Variants in FBXL17 observed in about 807,000 individuals in gnomAD.
The protein encoded by FBXL17 is F-box and leucine rich repeat protein 17.
A neutral mutation model predicts 66.2 loss-of-function variants in FBXL17; 22 were observed. The observed-to-expected ratio is 0.33, with a 90% CI of 0.24 to 0.47. FBXL17 has a LOEUF of 0.47. FBXL17 is among the 20% of genes least tolerant of loss of function. The probability of loss-of-function intolerance (pLI) is 1.00; values close to 1 mark genes in which losing one functional copy is unlikely to be tolerated. For missense variants in FBXL17, 878 were observed against 948.2 expected, an observed-to-expected ratio of 0.93 and a Z score of 0.97; for synonymous variants, 474 against 400.5, an observed-to-expected ratio of 1.18 and a Z score of -2.19.
intron 6 of FBXL17, among the ~76,000 whole-genome samples, chr5:108,030,587 A>C (rs977324785): frequency 6.6e-6 from 1 of 152,166 alleles, no homozygotes; most frequent in African/African-American, 2.4e-5. Context: ...TAATTAATAC[A>C]GTTACTGTTC....
rs552880699 is a variant in FBXL17, at chr5:108,124,370, AT to A, written c.1745+61746del. 3.1e-3 allele frequency among the ~76,000 whole-genome samples: 476 copies of A among 152,098 alleles called. 2 individuals are homozygous for A. Among genetic ancestry groups the A allele is most frequent in the African/African-American group, 0.011 (459 of 41,520 alleles). ...ATTTCTAGGTCTTTGACCTTGGCAT[AT>A]TTTTTAACACTTCTGGGCCTCAGTT... On this transcript the variant is annotated intron_variant, in intron 6 of 8. Coordinates refer to ENST00000542267, the MANE Select transcript of FBXL17 (RefSeq NM_001163315.3).
chr5:108,343,761 C>A (rs766271939), intron 4 of FBXL17, among the ~76,000 whole-genome samples: 1 of 151,394 alleles, frequency 6.6e-6, no homozygotes, highest in Non-Finnish European at 1.5e-5. Context: ...CAAATCACAG[C>A]AAAGAGAAAA....
chr5:108,326,791 T>C (rs988366547), intron 4 of FBXL17, among the ~76,000 whole-genome samples: 1 of 152,086 alleles, frequency 6.6e-6, no homozygotes, highest in African/African-American at 2.4e-5. Context: ...TCAGAATGGC[T>C]AAAATTTAAA....
intron 4 of FBXL17, among the ~76,000 whole-genome samples, chr5:108,309,273 A>G (rs1759001069): frequency 6.6e-6 from 1 of 152,066 alleles, no homozygotes; most frequent in South Asian, 2.1e-4. Context: ...ATTAAAATAC[A>G]TACATTTATA....
chr5:108,280,758 T>C (rs752511931), intron 4 of FBXL17, among the ~76,000 whole-genome samples: 1 of 149,864 alleles, frequency 6.7e-6, no homozygotes, highest in African/African-American at 2.5e-5. Flanking sequence ...TCCAACTATA[T>C]GCTGATCACA....
chr5:108,255,752 C>T (rs1756549535), intron 4 of FBXL17, among the ~76,000 whole-genome samples: 2 of 151,986 alleles, frequency 1.3e-5, no homozygotes, highest in East Asian at 3.9e-4. Flanking sequence ...TCACCTCTGC[C>T]CCATCACAGG....
At chr5:108,321,768 C>T (rs1453024782) in intron 4 of FBXL17, among the ~76,000 whole-genome samples, 1 of 150,060 alleles carries the variant, frequency 6.7e-6, no homozygotes, top group Non-Finnish European at 1.5e-5. Context: ...TAGGCAAAGC[C>T]TAAAACTAAA....
chr5:108,103,402 T>C (rs982357323), intron 6 of FBXL17, among the ~76,000 whole-genome samples: 4 of 152,214 alleles, frequency 2.6e-5, no homozygotes, highest in Non-Finnish European at 4.4e-5. Flanking sequence ...AGTCAGACCA[T>C]TGCCTCTTTC....
At chr5:107,923,580 G>T (rs1437612390) in intron 7 of FBXL17, among the ~76,000 whole-genome samples, 5 of 152,068 alleles carry the variant, frequency 3.3e-5, no homozygotes, top group Admixed American at 6.6e-5. Context: ...AAAACCCATG[G>T]TCAATGGCTC....
chr5:108,216,709 C>T (rs1754613420), intron 5 of FBXL17, among the ~76,000 whole-genome samples: 1 of 152,064 alleles, frequency 6.6e-6, no homozygotes, highest in East Asian at 1.9e-4. Context: ...CAGAGAGGCC[C>T]CCGCCTGTGG....
At chr5:108,226,092 T>G (rs1755087541) in intron 4 of FBXL17, among the ~76,000 whole-genome samples, 1 of 152,156 alleles carries the variant, frequency 6.6e-6, no homozygotes, top group African/African-American at 2.4e-5. Context: ...ACTTTGATTT[T>G]CTTCATAACA....
At chr5:108,111,830 C>A (rs1234651826) in intron 6 of FBXL17, among the ~76,000 whole-genome samples, 1 of 152,150 alleles carries the variant, frequency 6.6e-6, no homozygotes, top group Non-Finnish European at 1.5e-5. Context: ...TTAGTCACTG[C>A]CCTTGAGCTT....
In FBXL17 at chr5:108,134,858, CT is replaced by C. The variant is rs1580491662; in HGVS notation, c.1745+51258del. 2.6e-5 allele frequency among the ~76,000 whole-genome samples: 4 copies of C among 152,176 alleles called. No homozygotes were observed. The East Asian group carries it at 7.7e-4, about 29-fold the overall frequency. On this transcript the variant is annotated intron_variant, in intron 6 of 8. Coordinates refer to ENST00000542267, the MANE Select transcript of FBXL17 (RefSeq NM_001163315.3). ...TTTGTCCCCCACTTACAAATTAAGT[CT>C]TTCCTGCATTTGCTTTTCTTTCTCT... is the stretch of plus-strand genomic sequence containing the variant.
At chr5:107,874,158 T>C (rs994661465) in intron 8 of FBXL17, among the ~76,000 whole-genome samples, 1 of 152,248 alleles carries the variant, frequency 6.6e-6, no homozygotes, top group Admixed American at 6.5e-5. Context: ...CTGGCTGTAA[T>C]TTAGTGAGTC....
chr5:107,969,440 T>C (rs568186901), intron 7 of FBXL17, among the ~76,000 whole-genome samples: 7 of 152,286 alleles, frequency 4.6e-5, no homozygotes, highest in African/African-American at 1.4e-4. Flanking sequence ...CAGAAACCCA[T>C]TTATATAGAA....
intron 7 of FBXL17, among the ~76,000 whole-genome samples, chr5:107,900,951 G>A (rs576906635): frequency 2.8e-4 from 42 of 152,236 alleles, no homozygotes; most frequent in African/African-American, 9.6e-4. Context: ...TAGAGGATTT[G>A]TAAAACCACT....
intron 5 of FBXL17, among the ~76,000 whole-genome samples, chr5:108,209,981 A>G (rs930906466): frequency 6.6e-6 from 1 of 152,148 alleles, no homozygotes; most frequent in Non-Finnish European, 1.5e-5. Flanking sequence ...TACTGCCTCA[A>G]TTTCAGAACT....
Position 107,871,315 on chromosome 5 carries a change from G to A in FBXL17, c.1966-9455C>T, listed in dbSNP as rs532304305. On this transcript the variant is annotated intron_variant, in intron 8 of 8. Transcript: ENST00000542267. ...ACACTAGCACTGCTTCTATTCACTT[G>A]AATTAGCACAGTGAGAAAGCAGCAA... is the stretch of plus-strand genomic sequence containing the variant. 1.3e-4 allele frequency among the ~76,000 whole-genome samples: 20 copies of A among 152,248 alleles called. 1 individual carries two copies. The South Asian group carries it at 4.1e-3, about 32-fold the overall frequency.
At chr5:108,077,361 G>A (rs941271935) in intron 6 of FBXL17, among the ~76,000 whole-genome samples, 3 of 152,162 alleles carry the variant, frequency 2.0e-5, no homozygotes, top group Admixed American at 6.5e-5. Context: ...GGAAAAAATT[G>A]TGTTTCAAAA....
Sources: gnomAD v4.1 joint callset for allele counts (sites outside exome capture counted in the v4.1 genomes callset) on GRCh38, gnomAD v4.1.1 for gene constraint, MANE v1.5 for transcripts, NCBI Gene and HGNC (gene_info 2026-07-23, HGNC 2026-07-21) for gene names.